TNKS2: variants seen among roughly 807,000 people sequenced by gnomAD.
TNKS2 encodes the protein tankyrase 2, also known as poly [ADP-ribose] polymerase tankyrase-2.
TNKS2 carries 72 observed loss-of-function variants against 137.6 expected under a neutral mutation model. The observed-to-expected ratio is 0.52, with a 90% CI of 0.43 to 0.64. The LOEUF is 0.64. TNKS2 is among the 30% of genes least tolerant of loss of function. The pLI, the probability that TNKS2 is intolerant of heterozygous loss-of-function variation, is 0.00. For missense variants in TNKS2, 1,049 were observed against 1,410.2 expected, an observed-to-expected ratio of 0.74 and a Z score of 4.10; for synonymous variants, 516 against 512.1, an observed-to-expected ratio of 1.01 and a Z score of -0.10.
chr10:91,862,895 A>G (rs1173905820), intron 26 of TNKS2, 42 bp from the exon 27 acceptor site: 2 of 1,462,548 alleles, frequency 1.4e-6, no homozygotes, highest in South Asian at 2.4e-5. Context: ...ATCTTTCAAG[A>G]AAATTTTTGT....
At chr10:91,803,057 C>T (rs1444007784) in intron 1 of TNKS2, among the ~76,000 whole-genome samples, 2 of 152,206 alleles carry the variant, frequency 1.3e-5, no homozygotes, top group Non-Finnish European at 2.9e-5. Context: ...GTCAAAATTT[C>T]ATCACCGTAG....
intron 16 of TNKS2, among the ~76,000 whole-genome samples, chr10:91,843,533 G>A (rs1336896720): frequency 1.3e-5 from 2 of 152,092 alleles, no homozygotes; most frequent in Non-Finnish European, 2.9e-5. Context: ...AATTCATTTC[G>A]TGACATTTGT....
At chr10:91,838,970 C>T (rs1174818402) in intron 13 of TNKS2, among the ~76,000 whole-genome samples, 1 of 152,168 alleles carries the variant, frequency 6.6e-6, no homozygotes, top group East Asian at 1.9e-4. Context: ...CGGGTTCAAG[C>T]AATTCTCTTT....
At chr10:91,813,698 A>C (rs1261264189) in intron 2 of TNKS2, among the ~76,000 whole-genome samples, 1 of 152,160 alleles carries the variant, frequency 6.6e-6, no homozygotes, top group Non-Finnish European at 1.5e-5. Flanking sequence ...ATATTTTTTG[A>C]GGAAGGGAAC....
chr10:91,836,781 C>T (rs1842034425), intron 12 of TNKS2, 138 bp from the exon 13 acceptor site: 2 of 1,397,644 alleles, frequency 1.4e-6, no homozygotes, highest in Non-Finnish European at 1.9e-6. Context: ...CCTCACCCCC[C>T]TTACTACCAT....
chr10:91,819,192 T>G, intron 3 of TNKS2, 78 bp from the exon 4 acceptor site: 2 of 811,364 alleles, frequency 2.5e-6, no homozygotes, highest in Non-Finnish European at 3.7e-6. Flanking sequence ...ACTTTATAAT[T>G]CATTGGGCAT....
chr10:91,855,160 G>T (rs373228572), intron 22 of TNKS2, 34 bp downstream of exon 22: 4 of 1,301,690 alleles, frequency 3.1e-6, no homozygotes, highest in Non-Finnish European at 3.3e-6. Flanking sequence ...TAGGTTTGCC[G>T]TATATATTTA....
rs993125179 is a variant in TNKS2 at position 91,855,238 on chromosome 10, ATC to A, written c.2913+114_2913+115del. The A allele has an allele frequency of 5.1e-5, 36 of 712,496 alleles. No individual in the cohort carries two copies. The African/African-American group carries it at 5.5e-4, about 11-fold the overall frequency. 44.1% of individuals were successfully genotyped at this position (712,496 alleles called of 1,614,324 possible). On this transcript the variant is annotated intron_variant, in intron 22 of 26. Coordinates refer to ENST00000371627, the MANE Select transcript of TNKS2 (RefSeq NM_025235.4). ...GCATTATATAATTTTCACCTATAAA[ATC>A]TGTTTTCAAGCTGATTATCTAATAT... is the stretch of plus-strand genomic sequence containing the variant.
At chr10:91,815,149 T>C (rs1014137730) in intron 2 of TNKS2, among the ~76,000 whole-genome samples, 1 of 152,228 alleles carries the variant, frequency 6.6e-6, no homozygotes, top group African/African-American at 2.4e-5. Flanking sequence ...TTTCCTGATG[T>C]AAAACAGGGA....
chr10:91,811,021 G>A (rs768785564), intron 1 of TNKS2, among the ~76,000 whole-genome samples: 21 of 128,940 alleles, frequency 1.6e-4, no homozygotes, highest in East Asian at 2.7e-4. Context: ...TATACCTGCC[G>A]GGTTCAAGCA....
At chr10:91,859,398 A>G (rs2133684784) in intron 24 of TNKS2, 64 bp from the exon 25 acceptor site, 1 of 1,305,938 alleles carries the variant, frequency 7.7e-7, no homozygotes, top group South Asian at 2.0e-5. Flanking sequence ...CTAAGAAACT[A>G]GTTTTTTACT....
chr10:91,822,288 C>T lies in TNKS2; in HGVS notation c.729-8C>T. 1 of 1,604,986 alleles carries T rather than the reference C, an allele frequency of 6.2e-7. No individual in the cohort carries two copies. The highest frequency in any genetic ancestry group is 8.5e-7 in the Non-Finnish European group (1 of 1,175,270). Reference sequence around the variant, plus strand: ...TGAAACAGGATTTTCCCCCCCTTCTCATTGTAGTGATCTGGTACCATTACA... The same window carrying T: ...TGAAACAGGATTTTCCCCCCCTTCTTATTGTAGTGATCTGGTACCATTACA... On this transcript the variant is annotated splice_region_variant and splice_polypyrimidine_tract_variant and intron_variant, in intron 6 of 26. Coordinates refer to ENST00000371627, the MANE Select transcript of TNKS2 (RefSeq NM_025235.4).
chr10:91,839,493 T>C (rs549508460), intron 13 of TNKS2, among the ~76,000 whole-genome samples: 2 of 152,036 alleles, frequency 1.3e-5, no homozygotes, highest in South Asian at 2.1e-4. Context: ...GGTTTTGCCA[T>C]GTTGGCCAGG....
In TNKS2 at chr10:91,834,042, G is replaced by T; in HGVS notation, c.1447+18G>T. 6.7e-7 allele frequency: 1 copy of T among 1,500,500 alleles called. No homozygotes were observed. The highest frequency in any genetic ancestry group is 1.4e-5 in the South Asian group (1 of 72,176). 92.9% of individuals were successfully genotyped at this position (1,500,500 alleles called of 1,614,324 possible). On this transcript the variant is annotated intron_variant, in intron 12 of 26. Transcript: ENST00000371627. The stretch of plus-strand genomic sequence containing the variant: ...CCTCCAAGGTATTACATGCTTCAAT[G>T]AAATTGATTTTTTTAAATTAACCTT...
chr10:91,827,305 T>G, intron 8 of TNKS2, 102 bp downstream of exon 8: 2 of 1,064,076 alleles, frequency 1.9e-6, no homozygotes, highest in Non-Finnish European at 2.5e-6. Context: ...AATAGAATAT[T>G]TTTCTTAGCC....
chr10:91,847,412 T>A (rs932829538), intron 18 of TNKS2, among the ~76,000 whole-genome samples: 6 of 152,210 alleles, frequency 3.9e-5, no homozygotes, highest in Non-Finnish European at 8.8e-5. Flanking sequence ...TCACCCAGAC[T>A]GTAGTGCAGT....
chr10:91,828,439 A>G (rs370469820), intron 9 of TNKS2, 33 bp downstream of exon 9: 189 of 1,526,350 alleles, frequency 1.2e-4, no homozygotes, highest in Non-Finnish European at 1.4e-4. Flanking sequence ...TTAAAATACA[A>G]TAACGAAGAA....
At chr10:91,822,029 A>G (rs576011816) in intron 6 of TNKS2, among the ~76,000 whole-genome samples, 291 of 152,304 alleles carry the variant, frequency 1.9e-3, no homozygotes, top group African/African-American at 6.8e-3. Flanking sequence ...TCAATAATGC[A>G]GGGGAGAAAT....
chr10:91,833,958 A>T lies in TNKS2; in HGVS notation c.1381A>T (p.Ile461Phe). 1 of 1,613,838 alleles carries T rather than the reference A, an allele frequency of 6.2e-7. No individual in the cohort carries two copies. The highest frequency in any genetic ancestry group is 8.5e-7 in the Non-Finnish European group (1 of 1,179,862). ...CCTGAGCTATGGGTGTGATCCTAAC[A>T]TTATATCCCTTCAGGGCTTTACTGC... The part of the protein sequence containing the change: ...LLLSYGCDPN[I>F]ISLQGFTALQ... Residue 461 changes from isoleucine (I) to phenylalanine (F), a missense_variant, in exon 12 of 27, where the codon ATT (isoleucine) becomes TTT (phenylalanine). Ile to Phe is a conservative substitution (Grantham distance 21, BLOSUM62 0). This residue lies in a region of TNKS2 where 328 missense variants were observed against 436.0 expected (regional missense o/e 0.75). Transcript: ENST00000371627.
Sources: gnomAD v4.1 joint callset for allele counts (sites outside exome capture counted in the v4.1 genomes callset) on GRCh38, gnomAD v4.1.1 for gene constraint, gnomAD v4.1.1 regional missense constraint, MANE v1.5 for transcripts, NCBI Gene and HGNC (gene_info 2026-07-23, HGNC 2026-07-21) for gene names.